Variants in ZHX2 observed in about 807,000 individuals in gnomAD.
ZHX2 encodes the protein zinc fingers and homeoboxes 2, also known as zinc fingers and homeoboxes protein 2.
A neutral mutation model predicts 21.9 loss-of-function variants in ZHX2; 6 were observed. The ratio of observed to expected loss-of-function variants is 0.27; its 90% CI spans 0.15 to 0.54. The LOEUF (loss-of-function observed/expected upper bound fraction) is 0.54. Ranked by LOEUF, ZHX2 falls within the 20% of genes least tolerant of loss-of-function variation. ZHX2 has a pLI of 0.95. For missense variants in ZHX2, 908 were observed against 1,090.7 expected, an observed-to-expected ratio of 0.83 and a Z score of 2.36; for synonymous variants, 434 against 437.1, an observed-to-expected ratio of 0.99 and a Z score of 0.09.
At chr8:122,874,751 A>T (rs1406446505) in intron 2 of ZHX2, among the ~76,000 whole-genome samples, 1 of 152,164 alleles carries the variant, frequency 6.6e-6, no homozygotes, top group East Asian at 1.9e-4. Context: ...AGTAAACAGT[A>T]GATCATAGTT....
chr8:122,919,496 T>C (rs1445822780), intron 2 of ZHX2, among the ~76,000 whole-genome samples: 8 of 152,234 alleles, frequency 5.3e-5, no homozygotes, highest in Non-Finnish European at 1.0e-4. Flanking sequence ...TAATCAATCA[T>C]GTGCTAGCTT....
At chr8:122,859,483 A>G (rs913914627) in intron 1 of ZHX2, among the ~76,000 whole-genome samples, 1 of 152,184 alleles carries the variant, frequency 6.6e-6, no homozygotes, top group Non-Finnish European at 1.5e-5. Context: ...TTAGGGTAAG[A>G]GTGAGGCAGA....
In ZHX2 at chr8:122,951,504, A is replaced by T; in HGVS notation, c.-7A>T. 1 of 1,607,562 alleles carries T rather than the reference A, an allele frequency of 6.2e-7. No homozygotes were observed. The highest frequency in any genetic ancestry group is 8.5e-7 in the Non-Finnish European group (1 of 1,175,994). On this transcript the variant is annotated 5_prime_UTR_variant, in exon 3 of 4. Transcript: ENST00000314393. ...CAAAAATAAGCCATTGCACACAGACAGGCAGCATGGCTAGCAAACGAAAAT... is the reference window on the plus strand; with the variant it reads ...CAAAAATAAGCCATTGCACACAGACTGGCAGCATGGCTAGCAAACGAAAAT...
At position 122,954,110 on chromosome 8, in the gene ZHX2, G is replaced by A. The variant is rs949304609; in HGVS notation, c.*4+82G>A. 7.0e-6 allele frequency: 9 copies of A among 1,291,048 alleles called. No individual in the cohort carries two copies. In the African/African-American group the frequency reaches 9.0e-5, roughly 13 times the overall value. 80.0% of individuals were successfully genotyped at this position (1,291,048 alleles called of 1,614,324 possible). A position where few individuals can be genotyped will look rare whatever the true frequency, so the allele number is the denominator to read the frequency against. On this transcript the variant is annotated intron_variant, in intron 3 of 3. Transcript: ENST00000314393. Reference sequence around the variant, plus strand: ...TTGCCAGGGTTAATATAGATTGTAGGGTACAGAGATGTTGACACAGATGGT... The same window carrying A: ...TTGCCAGGGTTAATATAGATTGTAGAGTACAGAGATGTTGACACAGATGGT...
At chr8:122,858,760 C>T (rs924151177) in intron 1 of ZHX2, among the ~76,000 whole-genome samples, 3 of 151,926 alleles carry the variant, frequency 2.0e-5, no homozygotes, top group African/African-American at 7.3e-5. Flanking sequence ...CCTGCCTCAG[C>T]CTCCCCAGTA....
intron 2 of ZHX2, among the ~76,000 whole-genome samples, chr8:122,941,091 GT>G (rs1261252729): frequency 2.7e-5 from 4 of 148,694 alleles, no homozygotes; most frequent in African/African-American, 1.0e-4. Context: ...AAAAAAGATT[GT>G]TTTAAGAAGC....
At chr8:122,968,518 T>G (rs1021099004) in intron 3 of ZHX2, among the ~76,000 whole-genome samples, 3 of 152,004 alleles carry the variant, frequency 2.0e-5, no homozygotes, top group African/African-American at 7.3e-5. Flanking sequence ...CTACCCTCAA[T>G]AAAAGAAATG....
At chr8:122,871,049 T>C (rs1295202773) in intron 2 of ZHX2, among the ~76,000 whole-genome samples, 5 of 152,050 alleles carry the variant, frequency 3.3e-5, no homozygotes, top group Non-Finnish European at 5.9e-5. Context: ...GGGAGCAGCA[T>C]GGAGTAGCAG....
chr8:122,803,608 A>C (rs528106339), intron 1 of ZHX2, among the ~76,000 whole-genome samples: 4 of 152,212 alleles, frequency 2.6e-5, no homozygotes, highest in Admixed American at 1.3e-4. Flanking sequence ...GATTTTGTCA[A>C]ATGTGCCCTC....
intron 1 of ZHX2, among the ~76,000 whole-genome samples, chr8:122,849,421 CA>C (rs1324537621): frequency 6.6e-6 from 1 of 152,150 alleles, no homozygotes; most frequent in Admixed American, 6.5e-5. Flanking sequence ...TGGGTTAAAG[CA>C]ATAGAAATTT....
intron 2 of ZHX2, among the ~76,000 whole-genome samples, chr8:122,923,566 C>T (rs1454782019): frequency 6.6e-6 from 1 of 152,166 alleles, no homozygotes; most frequent in African/African-American, 2.4e-5. Flanking sequence ...TGGACCCCAT[C>T]TCTCAATGAA....
At chr8:122,870,334 G>A (rs1406478851) in intron 2 of ZHX2, among the ~76,000 whole-genome samples, 1 of 152,056 alleles carries the variant, frequency 6.6e-6, no homozygotes, top group Non-Finnish European at 1.5e-5. Context: ...CTTGGGCTTA[G>A]AAAGGTGAGC....
chr8:122,941,914 AC>A (rs1256480691), intron 2 of ZHX2, among the ~76,000 whole-genome samples: 6 of 152,218 alleles, frequency 3.9e-5, no homozygotes, highest in African/African-American at 1.4e-4. Context: ...ACTCCAGGTG[AC>A]GTGTGATGGT....
At position 122,908,798 on chromosome 8, in the gene ZHX2, T is replaced by C. The variant is rs969357801; in HGVS notation, c.-219-42494T>C. On this transcript the variant is annotated intron_variant, in intron 2 of 3. Transcript: ENST00000314393. ...GAAGTGAGAAGGCAAAGGGAAGACT[T>C]GCTTGCACCTTCCAAAAAAGAAGGT... is the stretch of plus-strand genomic sequence containing the variant. Among the ~76,000 whole-genome samples, 22 of 152,224 alleles carry C rather than the reference T, an allele frequency of 1.4e-4. No individual in the cohort carries two copies. The East Asian group carries it at 4.3e-3, about 29-fold the overall frequency.
intron 1 of ZHX2, among the ~76,000 whole-genome samples, chr8:122,829,099 G>A (rs1449068696): frequency 2.0e-5 from 3 of 152,130 alleles, no homozygotes; most frequent in African/African-American, 7.2e-5. Context: ...TGTAAAATGA[G>A]GACTATATGT....
intron 2 of ZHX2, among the ~76,000 whole-genome samples, chr8:122,948,753 T>C (rs985842446): frequency 5.3e-5 from 8 of 152,214 alleles, no homozygotes; most frequent in South Asian, 2.1e-4. Flanking sequence ...GCTGCTGAGA[T>C]GGTTGGTAAC....
chr8:122,916,165 C>A (rs543588356), intron 2 of ZHX2, among the ~76,000 whole-genome samples: 1 of 152,246 alleles, frequency 6.6e-6, no homozygotes. Flanking sequence ...AGATTACAGA[C>A]GCTTTCATCT....
At position 122,952,661 on chromosome 8, in the gene ZHX2, G is replaced by T. The variant is rs1368982253; in HGVS notation, c.1151G>T (p.Gly384Val). ...TSLVLTQVTS[G>V]STTVSCSPIT... The stretch of plus-strand genomic sequence containing the variant: ...CTGGTGCTGACTCAGGTGACCAGCG[G>T]GTCAACAACCGTCTCTTGCTCCCCC... Residue 384 changes from glycine (G) to valine (V), a missense_variant, in exon 3 of 4, where the codon GGG (glycine) becomes GTG (valine). By Grantham distance (109) the Gly-to-Val change is moderately radical. Coordinates refer to ENST00000314393, the MANE Select transcript of ZHX2 (RefSeq NM_014943.5). This position sits in a 1 kb window ranked among gnomAD's most constrained non-coding sequence, Gnocchi z 6.9. The T allele has an allele frequency of 1.2e-6, 2 of 1,614,020 alleles. No individual in the cohort carries two copies. Among genetic ancestry groups the T allele is most frequent in the Non-Finnish European group, 1.7e-6 (2 of 1,180,040 alleles).
chr8:122,811,148 G>C (rs1817918680), intron 1 of ZHX2, among the ~76,000 whole-genome samples: 1 of 152,152 alleles, frequency 6.6e-6, no homozygotes, highest in Non-Finnish European at 1.5e-5. Context: ...GGGAGGCTGA[G>C]GTGGGTGGAT....
Sources: gnomAD v4.1 joint callset for allele counts (sites outside exome capture counted in the v4.1 genomes callset) on GRCh38, gnomAD v4.1.1 for gene constraint, Gnocchi (gnomAD v3.1) non-coding constraint, MANE v1.5 for transcripts, NCBI Gene and HGNC (gene_info 2026-07-23, HGNC 2026-07-21) for gene names.